The following VPS51 variants were observed in gnomAD, a reference collection of about 807,000 sequenced individuals.
VPS51 encodes vacuolar protein sorting-associated protein 51 homolog.
In VPS51, 55 loss-of-function variants were observed where a neutral mutation model predicts 65.1. The ratio of observed to expected loss-of-function variants is 0.84; its 90% CI spans 0.68 to 1.06. The LOEUF is 1.06. Ranked by LOEUF, VPS51 falls within the 50% of genes least tolerant of loss-of-function variation. The probability of loss-of-function intolerance (pLI) is 0.00; values close to 1 mark genes in which losing one functional copy is unlikely to be tolerated. For synonymous variants in VPS51, 473 were observed against 489.5 expected, an observed-to-expected ratio of 0.97 and a Z score of 0.44; for missense variants, 943 against 1,101.6, an observed-to-expected ratio of 0.86 and a Z score of 2.04.
At chr11:65,096,766 T>G in intron 1 of VPS51, 1 of 703,820 alleles carries the variant, frequency 1.4e-6, no homozygotes, top group South Asian at 1.9e-5. Context: ...GGGGCTGGGC[T>G]TAGGCCGAGC....
chr11:65,097,313 C>T (rs956557758), intron 2 of VPS51, among the ~76,000 whole-genome samples, 186 bp downstream of exon 2: 1 of 152,150 alleles, frequency 6.6e-6, no homozygotes, highest in Non-Finnish European at 1.5e-5. Context: ...AATAGCTACT[C>T]TCAGAGGGTT....
chr11:65,100,176 A>G (rs1265067472), intron 2 of VPS51, among the ~76,000 whole-genome samples: 1 of 152,228 alleles, frequency 6.6e-6, no homozygotes, highest in Non-Finnish European at 1.5e-5. Context: ...CAAGTTAGTT[A>G]TCTAATAAAA....
chr11:65,102,117 A>T (rs1947813483), intron 2 of VPS51, among the ~76,000 whole-genome samples: 1 of 148,388 alleles, frequency 6.7e-6, no homozygotes, highest in Non-Finnish European at 1.5e-5. Flanking sequence ...TCCGGGGTTC[A>T]AGTGATTCTC....
In VPS51 at chr11:65,108,365, C is replaced by T. The variant is rs1423349020; in HGVS notation, c.894C>T (p.Pro298=). The change falls in exon 5 of 10, where the codon CCC becomes CCT. Residue 298 remains proline, a synonymous_variant. Transcript: ENST00000279281. The stretch of plus-strand genomic sequence containing the variant: ...AGCTGGGGCCCTCACCTCCGGCTCC[C>T]GACGTGTTAGAGTTCACCGACCATG... ...EAELGPSPPA[P]DVLEFTDHGG... is the part of the protein sequence containing the mutation. The T allele has an allele frequency of 5.6e-6, 9 of 1,612,030 alleles. No homozygotes were observed. In the East Asian group the frequency reaches 1.3e-4, roughly 24 times the overall value.
intron 2 of VPS51, among the ~76,000 whole-genome samples, chr11:65,099,457 G>T (rs1000590420): frequency 6.6e-6 from 1 of 152,128 alleles, no homozygotes. Flanking sequence ...TGAGTGATGT[G>T]CTCAGATTTC....
chr11:65,105,898 G>A (rs1164284821), intron 2 of VPS51, among the ~76,000 whole-genome samples: 1 of 152,256 alleles, frequency 6.6e-6, no homozygotes, highest in Non-Finnish European at 1.5e-5. Context: ...ATGAGCAGGT[G>A]CATAGGGCGA....
chr11:65,100,538 T>G (rs930885116), intron 2 of VPS51, among the ~76,000 whole-genome samples: 1 of 142,170 alleles, frequency 7.0e-6, no homozygotes, highest in Non-Finnish European at 1.5e-5. Context: ...TTTTTTTTTT[T>G]TTTTTTTTTT....
In VPS51 at chr11:65,096,496, G is replaced by T. The variant is rs1947769966; in HGVS notation, c.228+18G>T. 3 of 1,084,962 alleles carry T rather than the reference G, an allele frequency of 2.8e-6. No homozygotes were observed. The highest frequency in any genetic ancestry group is 3.8e-6 in the Non-Finnish European group (3 of 789,268). 67.2% of individuals were successfully genotyped at this position (1,084,962 alleles called of 1,614,324 possible). A position where few individuals can be genotyped will look rare whatever the true frequency, so the allele number is the denominator to read the frequency against. On this transcript the variant is annotated intron_variant, in intron 1 of 9. Transcript: ENST00000279281. ...TAGACAAGGTGTGTGCGCACGGGGA[G>T]TGGGGGGGTGCGGGGAGGGGGGAAG...
intron 2 of VPS51, among the ~76,000 whole-genome samples, chr11:65,104,180 C>T (rs530787192): frequency 5.9e-5 from 9 of 152,292 alleles, no homozygotes; most frequent in African/African-American, 9.6e-5. Context: ...CTGCCTGCCT[C>T]GGCCTCCCAA....
At position 65,111,425 on chromosome 11, in the gene VPS51, A is replaced by G. The variant is rs772565349; in HGVS notation, c.2187A>G (p.Gln729=). The change falls in exon 10 of 10, where the codon CAA becomes CAG. Residue 729 remains glutamine (Q), a synonymous_variant. Transcript: ENST00000279281. ...TFGRFGLQQV[Q]VDCHFLQLYL... is the part of the protein sequence containing the mutation. ...GGCGCTTCGGGCTGCAGCAGGTGCA[A>G]GTGGACTGCCACTTTCTGCAGCTCT... 5.0e-6 allele frequency: 8 copies of G among 1,613,608 alleles called. No individual in the cohort carries two copies. Among genetic ancestry groups the G allele is most frequent in the East Asian group, 4.5e-5 (2 of 44,902 alleles).
Position 65,108,659 on chromosome 11 carries a change from G to T in VPS51, c.1188G>T (p.Thr396=). 1 of 1,563,674 alleles carries T rather than the reference G, an allele frequency of 6.4e-7. No homozygotes were observed. The highest frequency in any genetic ancestry group is 2.3e-5 in the East Asian group (1 of 42,886). ...LAAAGLADAA[T]EIVERVARER... is the part of the protein sequence containing the mutation. ...CTGCCGGGCTCGCAGACGCTGCCAC[G>T]GAGATCGTGGAACGAGTGGCCCGCG... Residue 396 remains threonine (T), a synonymous_variant, in exon 5 of 10, where the codon ACG becomes ACT. Coordinates refer to ENST00000279281, the MANE Select transcript of VPS51 (RefSeq NM_013265.4).
chr11:65,099,541 C>T (rs148095152), intron 2 of VPS51, among the ~76,000 whole-genome samples: 1 of 152,116 alleles, frequency 6.6e-6, no homozygotes, highest in Non-Finnish European at 1.5e-5. Flanking sequence ...TGCCTGTAAT[C>T]CCTGCACTTT....
chr11:65,101,782 A>AG (rs1431002500), intron 2 of VPS51, among the ~76,000 whole-genome samples: 1 of 149,968 alleles, frequency 6.7e-6, no homozygotes, highest in African/African-American at 2.5e-5. Context: ...AAAAAAAAAA[A>AG]AAAAAAAAAG....
chr11:65,111,007 C>T, intron 9 of VPS51: 1 of 665,480 alleles, frequency 1.5e-6, no homozygotes, highest in Non-Finnish European at 2.6e-6. Context: ...AGTCTGGGTG[C>T]TGACCTGGGA....
chr11:65,108,922 T>G lies in VPS51; in HGVS notation c.1443+8T>G. On this transcript the variant is annotated splice_region_variant and intron_variant, in intron 5 of 9. Transcript: ENST00000279281. ...AACAAGCCCTACTTCCGGGTACGCC[T>G]CCTCTTGGGTGTTCCTTGTTCAACC... 4 of 1,612,382 alleles carry G rather than the reference T, an allele frequency of 2.5e-6. No homozygotes were observed. The highest frequency in any genetic ancestry group is 3.4e-6 in the Non-Finnish European group (4 of 1,179,586).
chr11:65,098,435 A>G (rs371415683), intron 2 of VPS51, among the ~76,000 whole-genome samples: 2 of 151,884 alleles, frequency 1.3e-5, no homozygotes, highest in East Asian at 1.9e-4. Context: ...ACAGTGTTCC[A>G]CTGTTTTCCA....
At chr11:65,106,652 G>A (rs1282176664) in intron 2 of VPS51, among the ~76,000 whole-genome samples, 6 of 151,864 alleles carry the variant, frequency 4.0e-5, no homozygotes, top group South Asian at 2.1e-4. Context: ...TTGGGAGGCT[G>A]AGGCAGGAGA....
At position 65,111,859 on chromosome 11, in the gene VPS51, G is replaced by A. The variant is rs528349425; in HGVS notation, c.*272G>A. 21 of 999,922 alleles carry A rather than the reference G, an allele frequency of 2.1e-5. No homozygotes were observed. Among genetic ancestry groups the A allele is most frequent in the Middle Eastern group, 2.8e-4 (1 of 3,524 alleles). 61.9% of individuals were successfully genotyped at this position (999,922 alleles called of 1,614,324 possible). On this transcript the variant is annotated 3_prime_UTR_variant, in exon 10 of 10. Transcript: ENST00000279281. The stretch of plus-strand genomic sequence containing the variant: ...CGGTTCCACTTAAAAACCCTGGGAC[G>A]AGAGCGGTCCTTGTCTGCGTTCCGT...
chr11:65,100,045 G>A (rs188511839), intron 2 of VPS51, among the ~76,000 whole-genome samples: 6 of 152,296 alleles, frequency 3.9e-5, no homozygotes, highest in African/African-American at 1.4e-4. Context: ...GGAGGTTGCA[G>A]TGAGTCGAGA....
Sources: gnomAD v4.1 joint callset for allele counts (sites outside exome capture counted in the v4.1 genomes callset) on GRCh38, gnomAD v4.1.1 for gene constraint, MANE v1.5 for transcripts, NCBI Gene and HGNC (gene_info 2026-07-23, HGNC 2026-07-21) for gene names.